The following PLPP1 variants were observed in gnomAD, a reference collection of about 807,000 sequenced individuals.
PLPP1 encodes the protein lipid phosphate phosphohydrolase 1a.
Under a neutral mutation model 31.2 loss-of-function variants are expected in PLPP1, and 24 were observed. That is an observed-to-expected ratio of 0.77 (90% CI 0.56 to 1.08). The LOEUF (loss-of-function observed/expected upper bound fraction) is 1.08, where lower values mean the gene tolerates loss of function less well. PLPP1 is among the 50% of genes least tolerant of loss of function. The pLI is 0.00. For missense variants in PLPP1, 319 were observed against 342.7 expected, an observed-to-expected ratio of 0.93 and a Z score of 0.55; for synonymous variants, 146 against 126.3, an observed-to-expected ratio of 1.16 and a Z score of -1.05.
Position 55,468,342 on chromosome 5 carries a change from T to TATCA in PLPP1, c.211-197_211-194dup, listed in dbSNP as rs1353760415. On this transcript the variant is annotated intron_variant, in intron 2 of 5. Transcript: ENST00000307259. ...ATTCTAAACCACAAAACAGGTGTCATATCAATGGTGGACATTACTTACAAA... is the reference window on the plus strand; with the variant it reads ...ATTCTAAACCACAAAACAGGTGTCATATCAATCAATGGTGGACATTACTTACAAA... 51 of 522,198 alleles carry TATCA rather than the reference T, an allele frequency of 9.8e-5. 1 individual carries two copies. In the Admixed American group the frequency reaches 1.9e-3, roughly 19 times the overall value. 32.3% of individuals were successfully genotyped at this position (522,198 alleles called of 1,614,324 possible).
intron 3 of PLPP1, among the ~76,000 whole-genome samples, chr5:55,449,029 CA>C (rs1330490787): frequency 6.6e-6 from 1 of 152,136 alleles, no homozygotes; most frequent in Non-Finnish European, 1.5e-5. Flanking sequence ...AGTACAGATG[CA>C]ATTTTTTTCA....
intron 4 of PLPP1, among the ~76,000 whole-genome samples, chr5:55,435,779 G>T (rs561909838): frequency 6.6e-6 from 1 of 152,168 alleles, no homozygotes; most frequent in African/African-American, 2.4e-5. Context: ...AAATGGGCTG[G>T]ATATACAAAT....
intron 1 of PLPP1, chr5:55,491,024 T>C: frequency 3.1e-6 from 5 of 1,613,772 alleles, no homozygotes; most frequent in Non-Finnish European, 4.2e-6. Context: ...ACTGTCATGG[T>C]ACGGATAGTT....
intron 4 of PLPP1, among the ~76,000 whole-genome samples, chr5:55,435,282 C>G (rs1751465415): frequency 1.3e-5 from 2 of 152,174 alleles, no homozygotes; most frequent in Non-Finnish European, 1.5e-5. Flanking sequence ...TTCTACACTG[C>G]TGCTCGGAAT....
chr5:55,426,214 A>AAAACT (rs1377870516), intron 4 of PLPP1, among the ~76,000 whole-genome samples, 175 bp from the exon 5 acceptor site: 1 of 152,214 alleles, frequency 6.6e-6, no homozygotes, highest in Admixed American at 6.5e-5. Context: ...TTAAAGAAAC[A>AAAACT]AAACTATTGC....
intron 1 of PLPP1, among the ~76,000 whole-genome samples, chr5:55,522,389 C>T (rs760526584): frequency 2.6e-5 from 4 of 152,050 alleles, no homozygotes; most frequent in Non-Finnish European, 5.9e-5. Context: ...TATTAAAGTG[C>T]CTCTTCTTTT....
intron 4 of PLPP1, among the ~76,000 whole-genome samples, chr5:55,434,759 A>T (rs1561221839): frequency 6.6e-6 from 1 of 152,172 alleles, no homozygotes; most frequent in Non-Finnish European, 1.5e-5. Context: ...CTCTCAAGTA[A>T]GTTGGATTAC....
chr5:55,528,819 T>G (rs1057403017), intron 1 of PLPP1, among the ~76,000 whole-genome samples: 2 of 152,200 alleles, frequency 1.3e-5, no homozygotes, highest in African/African-American at 4.8e-5. Flanking sequence ...AAAGAAAGCA[T>G]AAACAATGTA....
In PLPP1 at chr5:55,426,056, A is replaced by C. The variant is rs755066124; in HGVS notation, c.550-17T>G. Reference sequence around the variant, plus strand: ...AAGATAAAGCTAAAAGAAAAGAATAAAGAAAAAAATAGTTTATTTAACATA... The same window carrying C: ...AAGATAAAGCTAAAAGAAAAGAATACAGAAAAAAATAGTTTATTTAACATA... On this transcript the variant is annotated splice_polypyrimidine_tract_variant and intron_variant, in intron 4 of 5. Transcript: ENST00000307259. 6.4e-7 allele frequency: 1 copy of C among 1,562,404 alleles called. No individual in the cohort carries two copies. Among genetic ancestry groups the C allele is most frequent in the South Asian group, 1.2e-5 (1 of 82,072 alleles).
At chr5:55,491,462 T>C (rs1752886042) in intron 1 of PLPP1, among the ~76,000 whole-genome samples, 1 of 152,018 alleles carries the variant, frequency 6.6e-6, no homozygotes. Context: ...GTTAATTCAT[T>C]TTTAATTGAA....
chr5:55,491,850 T>A (rs1301266288), intron 1 of PLPP1, among the ~76,000 whole-genome samples: 3 of 60,384 alleles, frequency 5.0e-5, no homozygotes, highest in Admixed American at 3.1e-4. Flanking sequence ...AGAGCAAGAC[T>A]CAATCTCAGG....
At chr5:55,512,982 G>A (rs573108557) in intron 1 of PLPP1, among the ~76,000 whole-genome samples, 2 of 152,300 alleles carry the variant, frequency 1.3e-5, no homozygotes, top group East Asian at 1.9e-4. Context: ...AGTTTATTAA[G>A]TCTTTAAAGA....
chr5:55,468,132 G>T lies in PLPP1; in HGVS notation c.228C>A (p.Thr76=). Residue 76 remains threonine (T), a synonymous_variant, in exon 3 of 6, where the codon ACC becomes ACA. Coordinates refer to ENST00000307259, the MANE Select transcript of PLPP1 (RefSeq NM_003711.4). ...GCAAAAGGTTACAGTAAACAGACAG[G>T]GTTTCTCCAAGAATAATCTGAAAAA... The part of the protein sequence containing the change: ...FSIIVIILGE[T]LSVYCNLLHS... 6.3e-6 allele frequency: 10 copies of T among 1,592,232 alleles called. No homozygotes were observed. Among genetic ancestry groups the T allele is most frequent in the South Asian group, 1.1e-5 (1 of 87,882 alleles).
At chr5:55,461,662 G>C (rs1404569681) in intron 3 of PLPP1, among the ~76,000 whole-genome samples, 1 of 151,608 alleles carries the variant, frequency 6.6e-6, no homozygotes, top group Non-Finnish European at 1.5e-5. Context: ...CTAAGGTCAG[G>C]AAGAAGACAA....
chr5:55,532,759 C>T lies in PLPP1; in HGVS notation c.58+1813G>A, dbSNP rs917927230. On this transcript the variant is annotated intron_variant, in intron 1 of 5. Coordinates refer to ENST00000307259, the MANE Select transcript of PLPP1 (RefSeq NM_003711.4). ...GGATCACAAGGTCAAGAGTTCAAGG[C>T]CAGCCTGGCCAAGACGGTGAAACCC... is the stretch of plus-strand genomic sequence containing the variant. Among the ~76,000 whole-genome samples the T allele has an allele frequency of 3.3e-5, 5 of 152,014 alleles. No homozygotes were observed. In the East Asian group the frequency reaches 7.7e-4, roughly 24 times the overall value.
chr5:55,444,784 T>A (rs1304430722), intron 3 of PLPP1, among the ~76,000 whole-genome samples: 2 of 151,310 alleles, frequency 1.3e-5, no homozygotes, highest in African/African-American at 2.4e-5. Flanking sequence ...GGAGTCTCGC[T>A]CTGTTACCCA....
chr5:55,510,925 G>C lies in PLPP1; in HGVS notation c.58+23647C>G, dbSNP rs114104737. Among the ~76,000 whole-genome samples the C allele has an allele frequency of 5.3e-5, 8 of 152,250 alleles. No individual in the cohort carries two copies. The South Asian group carries it at 1.5e-3, about 28-fold the overall frequency. On this transcript the variant is annotated intron_variant, in intron 1 of 5. Transcript: ENST00000307259. The stretch of plus-strand genomic sequence containing the variant: ...AGTAATGTGCCTAACTTAGTGCCTG[G>C]CACATTAAGAGGATTAATAAATGCT...
At chr5:55,463,853 C>G (rs998245464) in intron 3 of PLPP1, among the ~76,000 whole-genome samples, 6 of 150,198 alleles carry the variant, frequency 4.0e-5, no homozygotes, top group Non-Finnish European at 7.4e-5. Context: ...ACATAGCAAG[C>G]CACAGATTGA....
At chr5:55,464,193 A>G (rs530440384) in intron 3 of PLPP1, among the ~76,000 whole-genome samples, 27 of 151,982 alleles carry the variant, frequency 1.8e-4, no homozygotes, top group African/African-American at 5.8e-4. Flanking sequence ...AGAAAAAATA[A>G]AAGTATATAT....
Sources: gnomAD v4.1 joint callset for allele counts (sites outside exome capture counted in the v4.1 genomes callset) on GRCh38, gnomAD v4.1.1 for gene constraint, MANE v1.5 for transcripts, NCBI Gene and HGNC (gene_info 2026-07-23, HGNC 2026-07-21) for gene names.